Variants in RBM19 observed in about 807,000 individuals in gnomAD.
The protein encoded by RBM19 is probable RNA-binding protein 19.
A neutral mutation model predicts 116.8 loss-of-function variants in RBM19; 94 were observed. The observed-to-expected ratio is 0.80, with a 90% CI of 0.68 to 0.95. The LOEUF is 0.95. RBM19 is among the 40% of genes least tolerant of loss of function. The pLI, the probability that RBM19 is intolerant of heterozygous loss-of-function variation, is 0.00. For synonymous variants in RBM19, 475 were observed against 494.1 expected, an observed-to-expected ratio of 0.96 and a Z score of 0.51; for missense variants, 1,161 against 1,220.7, an observed-to-expected ratio of 0.95 and a Z score of 0.73.
At chr12:113,857,311 C>T (rs953210593) in intron 22 of RBM19, among the ~76,000 whole-genome samples, 2 of 152,238 alleles carry the variant, frequency 1.3e-5, no homozygotes, top group East Asian at 1.9e-4. Context: ...GTACTGGTAT[C>T]GAGTACCCAC....
intron 21 of RBM19, among the ~76,000 whole-genome samples, chr12:113,907,928 G>A (rs1343753999): frequency 1.3e-5 from 2 of 152,210 alleles, no homozygotes; most frequent in Admixed American, 1.3e-4. Context: ...AAGCATAGCT[G>A]GAGTTGGTCA....
At chr12:113,840,902 C>T (rs1312940593) in intron 23 of RBM19, among the ~76,000 whole-genome samples, 1 of 152,252 alleles carries the variant, frequency 6.6e-6, no homozygotes, top group African/African-American at 2.4e-5. Flanking sequence ...ACTGCCTATA[C>T]CCCCGTAAGC....
chr12:113,871,919 G>A (rs1174783453), intron 21 of RBM19, among the ~76,000 whole-genome samples: 1 of 151,780 alleles, frequency 6.6e-6, no homozygotes, highest in Admixed American at 6.6e-5. Context: ...CCAAAGTGCC[G>A]AGATTGCAGC....
intron 18 of RBM19, among the ~76,000 whole-genome samples, chr12:113,922,393 C>T (rs558786250): frequency 1.3e-5 from 2 of 152,168 alleles, no homozygotes; most frequent in East Asian, 3.9e-4. Flanking sequence ...GTCTCAAATA[C>T]AGGCCCTTGA....
chr12:113,889,627 G>T (rs905098915), intron 21 of RBM19, among the ~76,000 whole-genome samples: 1 of 151,348 alleles, frequency 6.6e-6, no homozygotes, highest in Non-Finnish European at 1.5e-5. Flanking sequence ...TTCTAGTGTC[G>T]CTGACATTTG....
At chr12:113,852,988 C>T (rs1194724373) in intron 22 of RBM19, among the ~76,000 whole-genome samples, 1 of 152,220 alleles carries the variant, frequency 6.6e-6, no homozygotes, top group Non-Finnish European at 1.5e-5. Flanking sequence ...GGAAGGCTGT[C>T]CCGGCCTTAA....
At chr12:113,856,010 G>A (rs1877869482) in intron 22 of RBM19, among the ~76,000 whole-genome samples, 2 of 152,220 alleles carry the variant, frequency 1.3e-5, no homozygotes, top group Admixed American at 1.3e-4. Context: ...CTTGTGATGG[G>A]CTCCTCCTTC....
At chr12:113,927,413 GAC>G in intron 16 of RBM19, 184 bp from the exon 17 acceptor site, 1 of 655,654 alleles carries the variant, frequency 1.5e-6, no homozygotes, top group East Asian at 2.8e-5. Flanking sequence ...CAACTCTTGA[GAC>G]AGAGAGAAAG....
chr12:113,946,692 C>G (rs1360917608), intron 11 of RBM19, among the ~76,000 whole-genome samples: 1 of 152,122 alleles, frequency 6.6e-6, no homozygotes, highest in Non-Finnish European at 1.5e-5. Context: ...GCTACACACA[C>G]AAAACTTCGA....
intron 23 of RBM19, among the ~76,000 whole-genome samples, chr12:113,840,372 C>A (rs1876356416): frequency 6.6e-6 from 1 of 152,216 alleles, no homozygotes; most frequent in Non-Finnish European, 1.5e-5. Flanking sequence ...TGGGTCACAT[C>A]CAGGGCCATA....
intron 12 of RBM19, 105 bp from the exon 13 acceptor site, chr12:113,946,029 T>A: frequency 9.5e-7 from 1 of 1,056,946 alleles, no homozygotes; most frequent in Non-Finnish European, 1.4e-6. Context: ...CCTGCCTATC[T>A]ACATGCCCCC....
chr12:113,927,270 A>G (rs750876602), intron 16 of RBM19, 41 bp from the exon 17 acceptor site: 13 of 1,533,052 alleles, frequency 8.5e-6, no homozygotes, highest in Admixed American at 2.0e-5. Flanking sequence ...AAAAACATCA[A>G]ATCCATGAAA....
At chr12:113,862,074 C>T (rs753102699) in intron 21 of RBM19, among the ~76,000 whole-genome samples, 2 of 152,234 alleles carry the variant, frequency 1.3e-5, no homozygotes, top group Non-Finnish European at 2.9e-5. Context: ...GCTGAAAGAT[C>T]AGGGTTAGAT....
intron 21 of RBM19, among the ~76,000 whole-genome samples, chr12:113,907,888 G>A (rs1428940184): frequency 2.0e-5 from 3 of 152,178 alleles, no homozygotes; most frequent in Non-Finnish European, 2.9e-5. Context: ...CTCTGCTGCG[G>A]AAGCCCCAAA....
intron 23 of RBM19, among the ~76,000 whole-genome samples, chr12:113,835,538 C>T (rs1875802101): frequency 6.6e-6 from 1 of 152,170 alleles, no homozygotes. Context: ...GCAGTGGGGG[C>T]CGGGGTCAGT....
chr12:113,928,403 AACAT>A (rs968070329), intron 16 of RBM19, among the ~76,000 whole-genome samples: 3 of 123,900 alleles, frequency 2.4e-5, no homozygotes, highest in Admixed American at 9.0e-5. Flanking sequence ...TTTATGAGAA[AACAT>A]ACATGTGCAT....
At chr12:113,946,950 A>G (rs997130700) in intron 11 of RBM19, among the ~76,000 whole-genome samples, 1 of 152,220 alleles carries the variant, frequency 6.6e-6, no homozygotes. Flanking sequence ...ACACTGGGAA[A>G]AGAGAAGTTT....
chr12:113,928,137 G>C (rs978034677), intron 16 of RBM19, among the ~76,000 whole-genome samples: 4 of 152,266 alleles, frequency 2.6e-5, no homozygotes, highest in African/African-American at 9.6e-5. Context: ...AGGAGTTCAA[G>C]ACTAGCCTGG....
At position 113,941,552 on chromosome 12, in the gene RBM19, C is replaced by CCCAT. The variant is rs1197172785; in HGVS notation, c.1737+768_1737+771dup. Among the ~76,000 whole-genome samples, 153 of 151,460 alleles carry CCCAT rather than the reference C, an allele frequency of 1.0e-3. 1 individual carries two copies. Among genetic ancestry groups the CCCAT allele is most frequent in the African/African-American group, 3.5e-3 (142 of 41,034 alleles). On this transcript the variant is annotated intron_variant, in intron 14 of 23. Transcript: ENST00000261741. ...TATATTTATTTTATCCATCTATCTA[C>CCCAT]CCATCCATCCATGCATCATCTGTAT...
Sources: gnomAD v4.1 joint callset for allele counts (sites outside exome capture counted in the v4.1 genomes callset) on GRCh38, gnomAD v4.1.1 for gene constraint, MANE v1.5 for transcripts, NCBI Gene and HGNC (gene_info 2026-07-23, HGNC 2026-07-21) for gene names.